Variants in TBXAS1 observed in about 807,000 individuals in gnomAD.
The protein encoded by TBXAS1 is thromboxane-A synthase.
Under a neutral mutation model 60.7 loss-of-function variants are expected in TBXAS1, and 48 were observed. That is an observed-to-expected ratio of 0.79 (90% CI 0.63 to 1.01). TBXAS1 has a LOEUF of 1.01. TBXAS1 is among the 50% of genes least tolerant of loss of function. The probability of loss-of-function intolerance (pLI) is 0.00; values close to 1 mark genes in which losing one functional copy is unlikely to be tolerated. For missense variants in TBXAS1, 685 were observed against 686.3 expected (o/e 1.00, Z 0.02); for synonymous variants, 287 against 269.7 (o/e 1.06, Z -0.63).
intron 3 of TBXAS1, among the ~76,000 whole-genome samples, chr7:139,901,032 C>T (rs932150727): frequency 6.6e-6 from 1 of 152,116 alleles, no homozygotes; most frequent in Non-Finnish European, 1.5e-5. Flanking sequence ...GCATGGAATG[C>T]GAGGGTGGTT....
intron 1 of TBXAS1, among the ~76,000 whole-genome samples, chr7:139,858,523 CTGTT>C (rs1464847929): frequency 1.3e-5 from 2 of 152,182 alleles, no homozygotes; most frequent in Non-Finnish European, 2.9e-5. Context: ...GCTTAATTAA[CTGTT>C]TGTCAGTAGC....
At chr7:139,874,311 T>C (rs908984505) in intron 2 of TBXAS1, among the ~76,000 whole-genome samples, 9 of 152,176 alleles carry the variant, frequency 5.9e-5, no homozygotes, top group Middle Eastern at 3.2e-3. Flanking sequence ...AAATGATCAG[T>C]TGTATTCCGT....
chr7:139,918,871 T>C (rs2117090447), intron 4 of TBXAS1, among the ~76,000 whole-genome samples: 1 of 152,210 alleles, frequency 6.6e-6, no homozygotes, highest in Non-Finnish European at 1.5e-5. Flanking sequence ...AGAGCGAAGA[T>C]GATGTCAAAT....
chr7:140,011,836 C>CTATATATATATATA (rs3831720), intron 10 of TBXAS1, among the ~76,000 whole-genome samples: 5 of 150,440 alleles, frequency 3.3e-5, no homozygotes, highest in African/African-American at 1.2e-4. Context: ...ATTTTATGTT[C>CTATATATATATATA]TATATATATA....
In TBXAS1 at chr7:139,965,780, G is replaced by A. The variant is rs572439731; in HGVS notation, c.1134+3547G>A. 3.1e-4 allele frequency among the ~76,000 whole-genome samples: 47 copies of A among 152,230 alleles called. No homozygotes were observed. In the Middle Eastern group the frequency reaches 0.01, roughly 33 times the overall value. On this transcript the variant is annotated intron_variant, in intron 9 of 12. Transcript: ENST00000448866. ...CTGTCTTTTTAAAAACATACATTTG[G>A]TAGTCACAATAATGTTGCTTTGCAT...
intron 9 of TBXAS1, among the ~76,000 whole-genome samples, chr7:139,983,387 G>A (rs748427378): frequency 3.9e-5 from 6 of 152,136 alleles, no homozygotes; most frequent in East Asian, 1.9e-4. Flanking sequence ...CTATGAAGTC[G>A]GTAGGGTATC....
intron 3 of TBXAS1, among the ~76,000 whole-genome samples, chr7:139,898,516 G>T (rs1482077783): frequency 6.9e-6 from 1 of 144,020 alleles, no homozygotes; most frequent in Admixed American, 7.5e-5. Context: ...TAGTAGAGAC[G>T]GGGTTTCGCC....
At position 140,017,795 on chromosome 7, in the gene TBXAS1, C is replaced by A. The variant is rs771761018; in HGVS notation, c.1489C>A (p.Leu497Met). The A allele has an allele frequency of 1.2e-6, 2 of 1,614,126 alleles. No individual in the cohort carries two copies. Among genetic ancestry groups the A allele is most frequent in the South Asian group, 2.2e-5 (2 of 91,080 alleles). Residue 497 changes from leucine to methionine, a missense_variant, in exon 12 of 13, where the codon CTG (leucine) becomes ATG (methionine). Coordinates refer to ENST00000448866, the MANE Select transcript of TBXAS1 (RefSeq NM_001061.7). ...LEVKLTLLHVLHKFRFQACPE... is the reference protein window; with the variant it reads ...LEVKLTLLHVMHKFRFQACPE... ...GGTCAAGTTGACACTGCTCCACGTG[C>A]TGCACAAGTTCCGGTTCCAAGCCTG...
intron 4 of TBXAS1, among the ~76,000 whole-genome samples, chr7:139,818,154 C>T (rs929398642): frequency 6.6e-6 from 1 of 152,066 alleles, no homozygotes; most frequent in Non-Finnish European, 1.5e-5. Context: ...GGACACGGAT[C>T]GACAATGGAT....
At chr7:139,926,885 A>G (rs182391830) in intron 4 of TBXAS1, among the ~76,000 whole-genome samples, 28 of 152,144 alleles carry the variant, frequency 1.8e-4, no homozygotes, top group Non-Finnish European at 4.4e-5. Context: ...CATTGGCACA[A>G]TGGTCATTCA....
chr7:139,876,185 C>T (rs766745916), intron 3 of TBXAS1, among the ~76,000 whole-genome samples: 5 of 152,166 alleles, frequency 3.3e-5, no homozygotes, highest in Admixed American at 6.5e-5. Context: ...AAGACTATCC[C>T]GGATATGCTG....
chr7:139,939,412 G>C (rs1808091572), intron 5 of TBXAS1, among the ~76,000 whole-genome samples: 1 of 144,862 alleles, frequency 6.9e-6, no homozygotes, highest in South Asian at 2.2e-4. Context: ...GGTAGAGAGA[G>C]ATTTCATAGA....
intron 3 of TBXAS1, among the ~76,000 whole-genome samples, chr7:139,885,743 C>G (rs934692944): frequency 6.6e-6 from 1 of 152,168 alleles, no homozygotes; most frequent in African/African-American, 2.4e-5. Context: ...ATTTTGTGAG[C>G]AGAGGAACTT....
At chr7:139,790,712 T>A (rs1585507480) in intron 4 of TBXAS1, among the ~76,000 whole-genome samples, 2 of 152,236 alleles carry the variant, frequency 1.3e-5, no homozygotes, top group Non-Finnish European at 2.9e-5. Context: ...GATAGATGGC[T>A]TAGGACTCCA....
intron 4 of TBXAS1, among the ~76,000 whole-genome samples, chr7:139,818,048 C>T (rs1364683205): frequency 6.6e-6 from 1 of 152,228 alleles, no homozygotes; most frequent in Non-Finnish European, 1.5e-5. Context: ...ACTGGGGATA[C>T]ATTGTTGAAC....
At chr7:139,936,154 CCT>C (rs1807751172) in intron 4 of TBXAS1, 35 bp from the exon 5 acceptor site, 2 of 1,611,204 alleles carry the variant, frequency 1.2e-6, no homozygotes, top group Non-Finnish European at 1.7e-6. Flanking sequence ...GCTTTGGCTC[CCT>C]GAGTCCTGAC....
intron 1 of TBXAS1, among the ~76,000 whole-genome samples, chr7:139,832,347 TAGA>T (rs1483487085): frequency 6.6e-6 from 1 of 151,512 alleles, no homozygotes; most frequent in African/African-American, 2.4e-5. Flanking sequence ...ATAGAACAAG[TAGA>T]AGAAGGAAAT....
At chr7:139,855,894 T>C (rs1186401285) in intron 1 of TBXAS1, among the ~76,000 whole-genome samples, 1 of 152,160 alleles carries the variant, frequency 6.6e-6, no homozygotes, top group Non-Finnish European at 1.5e-5. Flanking sequence ...TTCATAAAAA[T>C]AAAGCGAGTG....
At chr7:139,879,270 A>G (rs1314257995) in intron 3 of TBXAS1, among the ~76,000 whole-genome samples, 2 of 152,194 alleles carry the variant, frequency 1.3e-5, no homozygotes, top group Non-Finnish European at 2.9e-5. Context: ...CTGCTTTGCC[A>G]GGTTCTGTGT....
Sources: gnomAD v4.1 joint callset for allele counts (sites outside exome capture counted in the v4.1 genomes callset) on GRCh38, gnomAD v4.1.1 for gene constraint, MANE v1.5 for transcripts, NCBI Gene and HGNC (gene_info 2026-07-23, HGNC 2026-07-21) for gene names.